Variants in POGZ observed in about 807,000 individuals in gnomAD.
POGZ encodes pogo transposable element derived with ZNF domain.
In POGZ, 17 loss-of-function variants were observed where a neutral mutation model predicts 134.6. The observed-to-expected ratio is 0.13, with a 90% CI of 0.09 to 0.19. The LOEUF is 0.19. Ranked by LOEUF, POGZ falls within the 10% of genes least tolerant of loss-of-function variation. The pLI is 1.00. For missense variants in POGZ, 1,306 were observed against 1,769.7 expected (o/e 0.74, Z 4.70); for synonymous variants, 693 against 657.1 (o/e 1.05, Z -0.84).
intron 1 of POGZ, among the ~76,000 whole-genome samples, chr1:151,457,407 CCATT>C (rs1330071824): frequency 6.6e-6 from 1 of 152,180 alleles, no homozygotes; most frequent in Non-Finnish European, 1.5e-5. Flanking sequence ...CCCCTCTGCT[CCATT>C]CAAATAAATT....
intron 2 of POGZ, 76 bp downstream of exon 2, chr1:151,442,005 T>C (rs955193378): frequency 9.3e-7 from 1 of 1,080,680 alleles, no homozygotes; most frequent in Non-Finnish European, 1.4e-6. Flanking sequence ...TCCTTTTCCA[T>C]CTCACACTTT....
At chr1:151,410,437 CAT>C (rs1031766784) in intron 12 of POGZ, among the ~76,000 whole-genome samples, 2 of 152,172 alleles carry the variant, frequency 1.3e-5, no homozygotes, top group African/African-American at 2.4e-5. Flanking sequence ...CTTCCTGTAA[CAT>C]ATGACATTTT....
intron 3 of POGZ, among the ~76,000 whole-genome samples, chr1:151,438,226 A>G (rs1242196645): frequency 1.3e-5 from 2 of 152,162 alleles, no homozygotes; most frequent in Non-Finnish European, 2.9e-5. Flanking sequence ...AAAACAAAAA[A>G]GAAAAAACAA....
At chr1:151,406,820 AG>A (rs1192215711) in intron 17 of POGZ, 90 bp downstream of exon 17, 6 of 1,044,182 alleles carry the variant, frequency 5.7e-6, no homozygotes, top group African/African-American at 1.6e-5. Flanking sequence ...TGAATGAGTG[AG>A]GCCAAGTAGG....
chr1:151,446,781 G>GAAAAAAAAAAAAAAAAAAAAA (rs1661341494), intron 1 of POGZ, among the ~76,000 whole-genome samples: 1 of 134,486 alleles, frequency 7.4e-6, no homozygotes, highest in Non-Finnish European at 1.6e-5. Flanking sequence ...AAAAAAAAAG[G>GAAAAAAAAAAAAAAAAAAAAA]AAAACTTGGA....
chr1:151,419,668 C>CAAAAAAAAAAAAAAACAAAAAAAAAAAAA (rs1656511394), intron 10 of POGZ, among the ~76,000 whole-genome samples: 1 of 43,650 alleles, frequency 2.3e-5, no homozygotes, highest in African/African-American at 1.0e-4. Flanking sequence ...GACCCTGTCT[C>CAAAAAAAAAAAAAAACAAAAAAAAAAAAA]AAAAAAAAAA....
intron 1 of POGZ, among the ~76,000 whole-genome samples, chr1:151,448,905 T>G (rs949411963): frequency 2.6e-5 from 4 of 152,094 alleles, no homozygotes; most frequent in Admixed American, 2.0e-4. Flanking sequence ...CAAACAAAAC[T>G]ATCTTTCCTT....
chr1:151,452,792 A>C (rs1662289981), intron 1 of POGZ, among the ~76,000 whole-genome samples: 1 of 150,862 alleles, frequency 6.6e-6, no homozygotes, highest in African/African-American at 2.4e-5. Flanking sequence ...TGAATTCGGG[A>C]GGCAGAGGTT....
At chr1:151,458,853 C>T (rs1240727774) in intron 1 of POGZ, among the ~76,000 whole-genome samples, 9 of 145,446 alleles carry the variant, frequency 6.2e-5, no homozygotes, top group Admixed American at 6.1e-4. Context: ...GCGGGGGCGG[C>T]CGGCCAGCCG....
chr1:151,458,849 GCGGC>G (rs1490988813), intron 1 of POGZ, among the ~76,000 whole-genome samples: 14 of 145,570 alleles, frequency 9.6e-5, no homozygotes, highest in Admixed American at 5.4e-4. Flanking sequence ...GGGGGCGGGG[GCGGC>G]CGGCCAGCCG....
At position 151,408,150 on chromosome 1, in the gene POGZ, C is replaced by G. The variant is rs374679732; in HGVS notation, c.2325G>C (p.Leu775=). ...GAGAACAGCAGGTGCTATAGCGACA[C>G]AGAGAGCAGTGTACGTAAGTAGGGA... ...NHFPTYVHCS[L]CRYSTCCSRA... is the part of the protein sequence containing the mutation. The change falls in exon 15 of 19, where the codon CTG becomes CTC. Residue 775 remains leucine, a synonymous_variant. Transcript: ENST00000271715. 38 of 1,613,300 alleles carry G rather than the reference C, an allele frequency of 2.4e-5. No individual in the cohort carries two copies. The highest frequency in any genetic ancestry group is 2.9e-5 in the Non-Finnish European group (34 of 1,179,766).
intron 3 of POGZ, among the ~76,000 whole-genome samples, chr1:151,435,595 C>T (rs183729563): frequency 1.3e-5 from 2 of 151,590 alleles, no homozygotes; most frequent in East Asian, 1.9e-4. Flanking sequence ...CAGGTTCAAG[C>T]GATTCTCCTG....
At position 151,404,130 on chromosome 1, in the gene POGZ, A is replaced by G; in HGVS notation, c.*672T>C. On this transcript the variant is annotated 3_prime_UTR_variant, in exon 19 of 19. Coordinates refer to ENST00000271715, the MANE Select transcript of POGZ (RefSeq NM_015100.4). ...GGTTTCATGCATTTTTAAAGCCACA[A>G]TTTTATATCTAGGGTTGCTGTAGAA... 1.0e-6 allele frequency: 1 copy of G among 985,538 alleles called. No individual in the cohort carries two copies. Among genetic ancestry groups the G allele is most frequent in the Middle Eastern group, 5.2e-4 (1 of 1,914 alleles). The allele number at this position is 985,538 out of a possible 1,614,324, so 61.0% of individuals were successfully genotyped here.
chr1:151,439,539 C>G (rs1660185103), intron 3 of POGZ, among the ~76,000 whole-genome samples: 1 of 152,168 alleles, frequency 6.6e-6, no homozygotes, highest in East Asian at 1.9e-4. Context: ...GCAAATCTCA[C>G]CTCTAAGACT....
chr1:151,408,712 G>T lies in POGZ; in HGVS notation c.2043C>A (p.Gly681=). 2 of 1,614,010 alleles carry T rather than the reference G, an allele frequency of 1.2e-6. No individual in the cohort carries two copies. Among genetic ancestry groups the T allele is most frequent in the Non-Finnish European group, 1.7e-6 (2 of 1,179,994 alleles). The change falls in exon 13 of 19, where the codon GGC becomes GGA. Residue 681 remains glycine (G), a synonymous_variant. Transcript: ENST00000271715. ...KTFRKPKQLE[G]LKPGTKVTIR... is the part of the protein sequence containing the mutation. ...TCTTTACCTTGGTGCCTGGTTTCAAGCCCTCCAGCTGCTTGGGTTTACGGA... is the reference window on the plus strand; with the variant it reads ...TCTTTACCTTGGTGCCTGGTTTCAATCCCTCCAGCTGCTTGGGTTTACGGA...
chr1:151,426,343 C>A (rs979287041), intron 7 of POGZ: 2 of 152,048 alleles, frequency 1.3e-5, no homozygotes, highest in Non-Finnish European at 2.9e-5. Context: ...CACACCACCA[C>A]GCCTGGCTAA....
intron 7 of POGZ, 182 bp downstream of exon 7, chr1:151,427,641 G>A: frequency 7.0e-6 from 4 of 573,756 alleles, no homozygotes; most frequent in Non-Finnish European, 1.2e-5. Context: ...TAATTTCTTG[G>A]AGCTGATTCA....
Position 151,403,853 on chromosome 1 carries a change from G to C in POGZ, c.*949C>G. 1.0e-6 allele frequency: 1 copy of C among 985,496 alleles called. No individual in the cohort carries two copies. The highest frequency in any genetic ancestry group is 4.7e-5 in the South Asian group (1 of 21,294). 61.0% of individuals were successfully genotyped at this position (985,496 alleles called of 1,614,324 possible). ...TAACAGGATGAAGTTCAGTAAAGCA[G>C]GGACTGCCCCTGGGGGCTTACAGGA... On this transcript the variant is annotated 3_prime_UTR_variant, in exon 19 of 19. Coordinates refer to ENST00000271715, the MANE Select transcript of POGZ (RefSeq NM_015100.4).
chr1:151,424,270 A>G lies in POGZ; in HGVS notation c.1202T>C (p.Met401Thr), dbSNP rs778630315. The change falls in exon 9 of 19, where the codon ATG becomes ACG. Residue 401 changes from methionine to threonine, a missense_variant. Physicochemically the swap from Met to Thr is moderately conservative, Grantham distance 81. Coordinates refer to ENST00000271715, the MANE Select transcript of POGZ (RefSeq NM_015100.4). ...CTTTCCTTTCTTCTGGTATTCAACC[A>G]TTTCTGGGCAACAGTACTATAAAGA... is the stretch of plus-strand genomic sequence containing the variant. The part of the protein sequence containing the change: ...RGHMCYCCPE[M>T]VEYQKKGKSL... 7 of 1,593,818 alleles carry G rather than the reference A, an allele frequency of 4.4e-6. No homozygotes were observed. The highest frequency in any genetic ancestry group is 5.1e-6 in the Non-Finnish European group (6 of 1,168,852).
Sources: allele counts gnomAD v4.1 joint callset (sites outside exome capture counted in the v4.1 genomes callset), GRCh38; gene constraint gnomAD v4.1.1; transcripts MANE v1.5; gene names NCBI Gene and HGNC (gene_info 2026-07-23, HGNC 2026-07-21).